The following SUMO3 variants were observed in gnomAD, a reference collection of about 807,000 sequenced individuals.
SUMO3 encodes the protein small ubiquitin like modifier 3, also known as small ubiquitin-related modifier 3.
Under a neutral mutation model 11.1 loss-of-function variants are expected in SUMO3, and 2 were observed. The ratio of observed to expected loss-of-function variants is 0.18; its 90% CI spans 0.07 to 0.57. The LOEUF is 0.57. SUMO3 is among the 20% of genes least tolerant of loss of function. The pLI is 0.92. For synonymous variants in SUMO3, 56 were observed against 53.5 expected (o/e 1.05, Z -0.20); for missense variants, 70 against 132.8 (o/e 0.53, Z 2.32).
intron 1 of SUMO3, among the ~76,000 whole-genome samples, chr21:44,815,532 C>T (rs2083238639): frequency 6.6e-6 from 1 of 152,190 alleles, no homozygotes; most frequent in South Asian, 2.1e-4. Context: ...GCCTCCAGCA[C>T]AGAGACAACT....
At chr21:44,809,025 C>A (rs769217032) in intron 3 of SUMO3, 22 bp downstream of exon 3, 3 of 1,612,354 alleles carry the variant, frequency 1.9e-6, no homozygotes, top group Non-Finnish European at 1.7e-6. Context: ...CGCCCTGGAA[C>A]CACGCGAAGC....
rs1200149551 is a variant in SUMO3 at position 44,807,978 on chromosome 21, G to A, written c.223-938C>T. Among the ~76,000 whole-genome samples, 1 of 152,222 alleles carries A rather than the reference G, an allele frequency of 6.6e-6. No individual in the cohort carries two copies. Among genetic ancestry groups the A allele is most frequent in the Non-Finnish European group, 1.5e-5 (1 of 68,054 alleles). ...GGTACAAATGGATACTTGTTGCAAAGATGTTTTCAATATTTATTAAATACT... is the reference window on the plus strand; with the variant it reads ...GGTACAAATGGATACTTGTTGCAAAAATGTTTTCAATATTTATTAAATACT... On this transcript the variant is annotated intron_variant, in intron 3 of 3. Coordinates refer to ENST00000332859, the MANE Select transcript of SUMO3 (RefSeq NM_006936.3). The surrounding 1 kb of genome is among the most constrained non-coding windows in gnomAD (Gnocchi z 4.3).
Position 44,810,722 on chromosome 21 carries a change from C to G in SUMO3, c.151-1604G>C, listed in dbSNP as rs1175226124. 6.6e-6 allele frequency among the ~76,000 whole-genome samples: 1 copy of G among 152,136 alleles called. No homozygotes were observed. The highest frequency in any genetic ancestry group is 1.5e-5 in the Non-Finnish European group (1 of 68,014). On this transcript the variant is annotated intron_variant, in intron 2 of 3. Transcript: ENST00000332859. The surrounding 1 kb of genome is among the most constrained non-coding windows in gnomAD (Gnocchi z 4.1). ...GATCACCCCATGTGGATGCACAGCC[C>G]TGGCAGCACAGCCATCCATGTACAC...
At position 44,808,524 on chromosome 21, in the gene SUMO3, A is replaced by G. The variant is rs1381998224; in HGVS notation, c.222+523T>C. The G allele has an allele frequency of 2.1e-6, 3 of 1,427,184 alleles. No homozygotes were observed. The East Asian group carries it at 8.3e-5, about 40-fold the overall frequency. The allele number at this position is 1,427,184 out of a possible 1,614,324, so 88.4% of individuals were successfully genotyped here. The stretch of plus-strand genomic sequence containing the variant: ...AGCGAGACTCCGTCTCAAAAAAAAA[A>G]GTCTGTTTCCAGGTCCAAAGCTCTT... On this transcript the variant is annotated intron_variant, in intron 3 of 3. Transcript: ENST00000332859.
At chr21:44,808,513 T>C in intron 3 of SUMO3, 1 of 1,435,494 alleles carries the variant, frequency 7.0e-7, no homozygotes, top group South Asian at 1.5e-5. Flanking sequence ...AGACTCCGTC[T>C]CAAAAAAAAA....
Position 44,811,566 on chromosome 21 carries a change from T to C in SUMO3, c.150+2410A>G, listed in dbSNP as rs757971771. Among the ~76,000 whole-genome samples, 1 of 151,916 alleles carries C rather than the reference T, an allele frequency of 6.6e-6. No homozygotes were observed. The highest frequency in any genetic ancestry group is 6.5e-5 in the Admixed American group (1 of 15,272). On this transcript the variant is annotated intron_variant, in intron 2 of 3. Coordinates refer to ENST00000332859, the MANE Select transcript of SUMO3 (RefSeq NM_006936.3). This position sits in a 1 kb window ranked among gnomAD's most constrained non-coding sequence, Gnocchi z 5.0. ...CAGCTTGGGGGACAGAGTGAGACCCTGTCTCAAAAAAAATAAGTTGCTACT... is the reference window on the plus strand; with the variant it reads ...CAGCTTGGGGGACAGAGTGAGACCCCGTCTCAAAAAAAATAAGTTGCTACT...
At chr21:44,817,665 CAAG>C (rs1198856112) in intron 1 of SUMO3, among the ~76,000 whole-genome samples, 1 of 150,548 alleles carries the variant, frequency 6.6e-6, no homozygotes, top group Non-Finnish European at 1.5e-5. Context: ...ACCGGGCGCT[CAAG>C]GAGGCGCTGG....
chr21:44,808,936 G>C, intron 3 of SUMO3, 111 bp downstream of exon 3: 1 of 836,322 alleles, frequency 1.2e-6, no homozygotes, highest in Non-Finnish European at 2.0e-6. Context: ...ATATCATTAA[G>C]GCATTCTGTA....
chr21:44,808,536 G>C (rs1321004087), intron 3 of SUMO3: 2 of 1,411,736 alleles, frequency 1.4e-6, no homozygotes, highest in South Asian at 3.2e-5. Context: ...TCTGTTTCCA[G>C]GTCCAAAGCT....
rs1011146339 is a variant in SUMO3 at position 44,817,963 on chromosome 21, G to A, written c.6C>T (p.Ser2=). ...CCGCGCTTACCTTGGGCTTCTCCTC[G>A]GACATGGCTGCGCGAGCGGCGCGGG... The part of the protein sequence containing the change: M[S]EEKPKEGVKT... The change falls in exon 1 of 4, where the codon TCC becomes TCT. Residue 2 remains serine, a synonymous_variant. Coordinates refer to ENST00000332859, the MANE Select transcript of SUMO3 (RefSeq NM_006936.3). 4 of 1,180,874 alleles carry A rather than the reference G, an allele frequency of 3.4e-6. No homozygotes were observed. The African/African-American group carries it at 4.8e-5, about 14-fold the overall frequency. The allele number at this position is 1,180,874 out of a possible 1,614,324, so 73.1% of individuals were successfully genotyped here.
chr21:44,813,629 A>C, intron 2 of SUMO3: 1 of 592,910 alleles, frequency 1.7e-6, no homozygotes, highest in Non-Finnish European at 2.9e-6. Flanking sequence ...CAGCCCCAGA[A>C]TGGCCAGACC....
chr21:44,808,632 G>C, intron 3 of SUMO3: 1 of 1,384,172 alleles, frequency 7.2e-7, no homozygotes. Flanking sequence ...GAGCTGTGCA[G>C]ACTGATAATC....
intron 1 of SUMO3, among the ~76,000 whole-genome samples, chr21:44,815,284 CACCCTGGGGAG>C (rs1161449123): frequency 2.0e-5 from 3 of 152,186 alleles, no homozygotes; most frequent in Admixed American, 6.5e-5. Context: ...CTGGGGTATG[CACCCTGGGGAG>C]ACCCTGGGGA....
rs1291352217 is a variant in SUMO3, at chr21:44,810,319, T to C, written c.151-1201A>G. The stretch of plus-strand genomic sequence containing the variant: ...GGCTGAGCCAGAGGCTACTGAGGCG[T>C]GGACACTGGTGGTCTGATGGACACT... On this transcript the variant is annotated intron_variant, in intron 2 of 3. Coordinates refer to ENST00000332859, the MANE Select transcript of SUMO3 (RefSeq NM_006936.3). This position sits in a 1 kb window ranked among gnomAD's most constrained non-coding sequence, Gnocchi z 4.1. Among the ~76,000 whole-genome samples the C allele has an allele frequency of 6.6e-6, 1 of 152,116 alleles. No individual in the cohort carries two copies. Among genetic ancestry groups the C allele is most frequent in the African/African-American group, 2.4e-5 (1 of 41,426 alleles).
At chr21:44,815,704 C>G (rs1232794724) in intron 1 of SUMO3, among the ~76,000 whole-genome samples, 1 of 152,170 alleles carries the variant, frequency 6.6e-6, no homozygotes, top group African/African-American at 2.4e-5. Context: ...CAGACGTCCC[C>G]CACAGGGTAA....
Position 44,810,874 on chromosome 21 carries a change from G to A in SUMO3, c.151-1756C>T, listed in dbSNP as rs947244849. Among the ~76,000 whole-genome samples, 4 of 151,954 alleles carry A rather than the reference G, an allele frequency of 2.6e-5. No homozygotes were observed. Among genetic ancestry groups the A allele is most frequent in the Non-Finnish European group, 4.4e-5 (3 of 67,988 alleles). ...GAGGAGCGCAGAGGAGAACGGACAG[G>A]AAGGAGGCAGGAGAACACTCCCAAC... On this transcript the variant is annotated intron_variant, in intron 2 of 3. Coordinates refer to ENST00000332859, the MANE Select transcript of SUMO3 (RefSeq NM_006936.3). The surrounding 1 kb of genome is among the most constrained non-coding windows in gnomAD (Gnocchi z 4.1).
chr21:44,812,558 T>A (rs901801553), intron 2 of SUMO3, among the ~76,000 whole-genome samples: 2 of 152,172 alleles, frequency 1.3e-5, no homozygotes, highest in East Asian at 3.8e-4. Flanking sequence ...CTGTGCCCGT[T>A]CTGACAAGAC....
chr21:44,813,904 TCTGGGGATGC>T, intron 2 of SUMO3, 62 bp downstream of exon 2: 1 of 1,599,782 alleles, frequency 6.3e-7, no homozygotes, highest in Non-Finnish European at 8.5e-7. Context: ...ACGCTCGTGC[TCTGGGGATGC>T]CTGGAACGCA....
chr21:44,809,429 T>C (rs2083197260), intron 2 of SUMO3, among the ~76,000 whole-genome samples: 1 of 152,202 alleles, frequency 6.6e-6, no homozygotes, highest in Admixed American at 6.5e-5. Context: ...ACGGCTCATT[T>C]TCAACCCAGG....
Sources: gnomAD v4.1 joint callset for allele counts (sites outside exome capture counted in the v4.1 genomes callset) on GRCh38, gnomAD v4.1.1 for gene constraint, Gnocchi (gnomAD v3.1) non-coding constraint, MANE v1.5 for transcripts, NCBI Gene and HGNC (gene_info 2026-07-23, HGNC 2026-07-21) for gene names.